Variants in SEMA3E observed in about 807,000 individuals in gnomAD.
SEMA3E encodes semaphorin 3E.
SEMA3E carries 49 observed loss-of-function variants against 93.6 expected under a neutral mutation model. The observed-to-expected ratio is 0.52, with a 90% CI of 0.42 to 0.66. SEMA3E has a LOEUF of 0.66. SEMA3E is among the 30% of genes least tolerant of loss of function. The probability of loss-of-function intolerance (pLI) is 0.00; values close to 1 mark genes in which losing one functional copy is unlikely to be tolerated. For synonymous variants in SEMA3E, 363 were observed against 330.7 expected (o/e 1.10, Z -1.06); for missense variants, 906 against 964.8 (o/e 0.94, Z 0.81).
chr7:83,381,498 C>T (rs1787776377), intron 16 of SEMA3E, among the ~76,000 whole-genome samples: 1 of 151,842 alleles, frequency 6.6e-6, no homozygotes, highest in Non-Finnish European at 1.5e-5. Flanking sequence ...TCTATGGCCA[C>T]CCTTTTAAAA....
At chr7:83,444,296 C>T (rs1168101931) in intron 4 of SEMA3E, among the ~76,000 whole-genome samples, 1 of 152,128 alleles carries the variant, frequency 6.6e-6, no homozygotes, top group Non-Finnish European at 1.5e-5. Flanking sequence ...GTGATTGTCT[C>T]TTTGGTCTCT....
chr7:83,453,317 G>C (rs1164963632), intron 4 of SEMA3E, among the ~76,000 whole-genome samples: 1 of 151,458 alleles, frequency 6.6e-6, no homozygotes, highest in Non-Finnish European at 1.5e-5. Flanking sequence ...GGCATGAGCT[G>C]GATATTTATT....
At chr7:83,475,524 C>T (rs1789991502) in intron 2 of SEMA3E, among the ~76,000 whole-genome samples, 1 of 152,106 alleles carries the variant, frequency 6.6e-6, no homozygotes, top group African/African-American at 2.4e-5. Context: ...GTTTCCTAAG[C>T]TTGGAGTCCC....
At chr7:83,483,892 G>A (rs373341299) in intron 2 of SEMA3E, among the ~76,000 whole-genome samples, 48 of 152,196 alleles carry the variant, frequency 3.2e-4, no homozygotes, top group Admixed American at 6.5e-4. Flanking sequence ...CCATCATGAC[G>A]TACCGCTGTT....
At chr7:83,497,757 G>T (rs2115585758) in intron 1 of SEMA3E, among the ~76,000 whole-genome samples, 1 of 152,220 alleles carries the variant, frequency 6.6e-6, no homozygotes, top group East Asian at 1.9e-4. Context: ...CTTTCATGCA[G>T]TCTTTGAACT....
chr7:83,461,527 T>A (rs1390395577), intron 4 of SEMA3E, among the ~76,000 whole-genome samples: 2 of 152,160 alleles, frequency 1.3e-5, no homozygotes, highest in Non-Finnish European at 2.9e-5. Context: ...AAAGGCATAG[T>A]CAAGGTTAAT....
At chr7:83,451,419 C>T (rs1584256945) in intron 4 of SEMA3E, among the ~76,000 whole-genome samples, 1 of 152,100 alleles carries the variant, frequency 6.6e-6, no homozygotes, top group Non-Finnish European at 1.5e-5. Flanking sequence ...TTAATTTAGA[C>T]TTAGAATCTT....
chr7:83,604,010 C>T (rs189556824), intron 1 of SEMA3E, among the ~76,000 whole-genome samples: 1 of 152,234 alleles, frequency 6.6e-6, no homozygotes, highest in East Asian at 1.9e-4. Flanking sequence ...TCAGAAATTT[C>T]TTCATGTAGA....
chr7:83,562,245 A>AT (rs1224171723), intron 1 of SEMA3E, among the ~76,000 whole-genome samples: 1 of 152,136 alleles, frequency 6.6e-6, no homozygotes, highest in East Asian at 1.9e-4. Context: ...ATACTTTTGC[A>AT]TTTTTTTGTG....
chr7:83,590,042 A>T (rs1274073073), intron 1 of SEMA3E, among the ~76,000 whole-genome samples: 2 of 152,148 alleles, frequency 1.3e-5, no homozygotes, highest in African/African-American at 4.8e-5. Context: ...GATTGCAGAA[A>T]TTGTATTTCT....
chr7:83,598,969 T>A (rs922009039), intron 1 of SEMA3E, among the ~76,000 whole-genome samples: 2 of 152,218 alleles, frequency 1.3e-5, no homozygotes, highest in African/African-American at 4.8e-5. Context: ...AATTTTTTTA[T>A]AAACACAGTC....
intron 1 of SEMA3E, among the ~76,000 whole-genome samples, chr7:83,582,260 TAAAC>T (rs1792531852): frequency 6.6e-6 from 1 of 150,638 alleles, no homozygotes; most frequent in Non-Finnish European, 1.5e-5. Flanking sequence ...ATATAAATAA[TAAAC>T]TAATAAAAGC....
At chr7:83,576,402 G>A (rs770464724) in intron 1 of SEMA3E, among the ~76,000 whole-genome samples, 8 of 152,024 alleles carry the variant, frequency 5.3e-5, no homozygotes, top group Non-Finnish European at 1.0e-4. Context: ...TAAGCCAAGC[G>A]AAAATTGGAT....
At position 83,370,742 on chromosome 7, in the gene SEMA3E, G is replaced by A. The variant is rs757752388; in HGVS notation, c.1876-2704C>T. On this transcript the variant is annotated intron_variant, in intron 16 of 16. Coordinates refer to ENST00000643230, the MANE Select transcript of SEMA3E (RefSeq NM_012431.3). ...CTCCCTCCTTTATTACCTTCGTTTC[G>A]CCTGTTAACCTTCATATACTTGAGC... Among the ~76,000 whole-genome samples the A allele has an allele frequency of 9.2e-5, 14 of 151,940 alleles. No individual in the cohort carries two copies. The South Asian group carries it at 2.1e-3, about 23-fold the overall frequency.
chr7:83,474,095 T>TAAAA (rs11324407), intron 2 of SEMA3E, among the ~76,000 whole-genome samples: 4 of 108,582 alleles, frequency 3.7e-5, no homozygotes, highest in Non-Finnish European at 3.8e-5. Context: ...CTATCTCAAT[T>TAAAA]AAAAAAAAAA....
chr7:83,499,019 T>G (rs1790545418), intron 1 of SEMA3E, among the ~76,000 whole-genome samples: 1 of 135,310 alleles, frequency 7.4e-6, no homozygotes, highest in Non-Finnish European at 1.7e-5. Context: ...GGAATCATAA[T>G]ATAAACCTTT....
chr7:83,466,016 C>T (rs1789747525), intron 4 of SEMA3E, among the ~76,000 whole-genome samples: 1 of 152,124 alleles, frequency 6.6e-6, no homozygotes, highest in Admixed American at 6.5e-5. Context: ...ATCTTCCCTC[C>T]TCCTGCATTC....
At chr7:83,372,768 C>T (rs983820858) in intron 16 of SEMA3E, 1 of 152,228 alleles carries the variant, frequency 6.6e-6, no homozygotes, top group African/African-American at 2.4e-5. Flanking sequence ...AAGCTGTTTT[C>T]ATGCTCGGTC....
intron 1 of SEMA3E, 123 bp from the exon 2 acceptor site, chr7:83,490,397 A>G: frequency 1.1e-6 from 1 of 927,326 alleles, no homozygotes; most frequent in Non-Finnish European, 1.7e-6. Context: ...ATTTTATCAT[A>G]CATATACTGG....
Sources: allele counts gnomAD v4.1 joint callset (sites outside exome capture counted in the v4.1 genomes callset), GRCh38; gene constraint gnomAD v4.1.1; transcripts MANE v1.5; gene names NCBI Gene and HGNC (gene_info 2026-07-23, HGNC 2026-07-21).